TMEFF1: variants seen among roughly 807,000 people sequenced by gnomAD.
TMEFF1 encodes the protein tomoregulin-1.
A neutral mutation model predicts 47.5 loss-of-function variants in TMEFF1; 20 were observed. That is an observed-to-expected ratio of 0.42 (90% CI 0.30 to 0.61). TMEFF1 has a LOEUF of 0.61. Ranked by LOEUF, TMEFF1 falls within the 20% of genes least tolerant of loss-of-function variation. The pLI is 0.19. For synonymous variants in TMEFF1, 162 were observed against 166.3 expected (o/e 0.97, Z 0.20); for missense variants, 411 against 471.1 (o/e 0.87, Z 1.18).
At chr9:100,573,648 A>T in intron 9 of TMEFF1, among the ~76,000 whole-genome samples, 1 of 152,320 alleles carries the variant, frequency 6.6e-6, no homozygotes. Context: ...AAATACAGAT[A>T]TTGGCAGGCC....
At chr9:100,540,444 T>C (rs1004076026) in intron 5 of TMEFF1, among the ~76,000 whole-genome samples, 1 of 152,226 alleles carries the variant, frequency 6.6e-6, no homozygotes, top group African/African-American at 2.4e-5. Context: ...CAGAGGGAGC[T>C]TGTTCCCTGA....
intron 5 of TMEFF1, among the ~76,000 whole-genome samples, chr9:100,521,224 A>G (rs1004868558): frequency 2.0e-5 from 3 of 152,184 alleles, no homozygotes; most frequent in African/African-American, 7.2e-5. Flanking sequence ...ATTGTAATTC[A>G]TTTATAATTT....
At chr9:100,554,205 G>C (rs1206075984) in intron 7 of TMEFF1, among the ~76,000 whole-genome samples, 2 of 152,162 alleles carry the variant, frequency 1.3e-5, no homozygotes, top group African/African-American at 4.8e-5. Flanking sequence ...ACTGGTGACT[G>C]TTTAGATATT....
At chr9:100,538,407 G>A (rs1383119357) in intron 5 of TMEFF1, among the ~76,000 whole-genome samples, 2 of 152,128 alleles carry the variant, frequency 1.3e-5, no homozygotes, top group Non-Finnish European at 2.9e-5. Context: ...GGGGGAATTC[G>A]TTCTGATACT....
chr9:100,570,433 C>T lies in TMEFF1; in HGVS notation c.900-2085C>T, dbSNP rs182485772. Among the ~76,000 whole-genome samples, 71 of 152,018 alleles carry T rather than the reference C, an allele frequency of 4.7e-4. No individual in the cohort carries two copies. In the South Asian group the frequency reaches 9.2e-3, roughly 20 times the overall value. On this transcript the variant is annotated intron_variant, in intron 8 of 9. Transcript: ENST00000374879. ...GTTTTAGCTCTTACGTTTAGATCTG[C>T]GATCCATTTTGAGGCAATTTTTGTG...
intron 5 of TMEFF1, among the ~76,000 whole-genome samples, chr9:100,533,251 A>T (rs981713682): frequency 1.3e-5 from 2 of 152,146 alleles, no homozygotes; most frequent in Non-Finnish European, 2.9e-5. Context: ...TAAAAAAAAA[A>T]TGCCTGGATC....
chr9:100,483,999 G>A (rs959794972), intron 1 of TMEFF1, among the ~76,000 whole-genome samples: 3 of 151,944 alleles, frequency 2.0e-5, no homozygotes, highest in South Asian at 4.2e-4. Context: ...CATATACATT[G>A]AACATTATTT....
chr9:100,547,903 T>G lies in TMEFF1; in HGVS notation c.709+11T>G. On this transcript the variant is annotated intron_variant, in intron 6 of 9. Coordinates refer to ENST00000374879, the MANE Select transcript of TMEFF1 (RefSeq NM_003692.5). ...TTGGTCATTGCACAGGTAAAATCCA[T>G]TTTATTTATTCAGAGACCCATCTTT... The G allele has an allele frequency of 6.4e-7, 1 of 1,566,852 alleles. No individual in the cohort carries two copies. The highest frequency in any genetic ancestry group is 8.6e-7 in the Non-Finnish European group (1 of 1,159,156).
intron 5 of TMEFF1, among the ~76,000 whole-genome samples, chr9:100,521,163 G>C (rs569044992): frequency 6.6e-6 from 1 of 152,302 alleles, no homozygotes; most frequent in African/African-American, 2.4e-5. Flanking sequence ...AGTGAAGTGC[G>C]TGAACTTTAT....
chr9:100,545,955 T>G (rs1466356106), intron 5 of TMEFF1, among the ~76,000 whole-genome samples: 1 of 152,126 alleles, frequency 6.6e-6, no homozygotes, highest in African/African-American at 2.4e-5. Flanking sequence ...AGCCTGGACT[T>G]TATTGTTTGT....
At chr9:100,483,652 C>T (rs961580023) in intron 1 of TMEFF1, among the ~76,000 whole-genome samples, 17 of 152,144 alleles carry the variant, frequency 1.1e-4, no homozygotes, top group African/African-American at 4.1e-4. Flanking sequence ...CTTAAGTTTA[C>T]TTTATTTTCA....
At chr9:100,483,500 AAAACAAAC>A (rs57384867) in intron 1 of TMEFF1, among the ~76,000 whole-genome samples, 2,284 of 150,604 alleles carry the variant, frequency 0.015, 55 homozygotes, top group African/African-American at 0.051. Flanking sequence ...AACATCTCAA[AAAACAAAC>A]AAACAAACAA....
intron 1 of TMEFF1, among the ~76,000 whole-genome samples, chr9:100,492,159 C>T (rs150506639): frequency 5.3e-5 from 8 of 152,304 alleles, no homozygotes; most frequent in Admixed American, 4.6e-4. Flanking sequence ...GCTGGGATTG[C>T]AGGCGTGAGC....
Position 100,473,622 on chromosome 9 carries a change from G to T in TMEFF1, c.78G>T (p.Val26=), listed in dbSNP as rs773714080. 18 of 1,560,144 alleles carry T rather than the reference G, an allele frequency of 1.2e-5. No individual in the cohort carries two copies. The East Asian group carries it at 3.8e-4, about 33-fold the overall frequency. ...TCGCCTTCTGCTGCTACACGTCGGT[G>T]CTTCTGCTCTTCGCCTTCTCTCTGC... The part of the protein sequence containing the change: ...PPLAFCCYTS[V]LLLFAFSLPG... Residue 26 remains valine, a synonymous_variant, in exon 1 of 10, where the codon GTG becomes GTT. Transcript: ENST00000374879. The surrounding 1 kb of genome is among the most constrained non-coding windows in gnomAD (Gnocchi z 5.4).
At chr9:100,552,816 C>G (rs768519453) in intron 7 of TMEFF1, among the ~76,000 whole-genome samples, 5 of 150,462 alleles carry the variant, frequency 3.3e-5, no homozygotes, top group Non-Finnish European at 5.9e-5. Context: ...CAACTGAGAT[C>G]GCACCACTAC....
intron 1 of TMEFF1, among the ~76,000 whole-genome samples, chr9:100,480,468 A>G (rs570681469): frequency 1.3e-5 from 2 of 152,352 alleles, no homozygotes; most frequent in East Asian, 3.8e-4. Context: ...AGACTTGATA[A>G]AGACAAGAAG....
chr9:100,496,708 A>G (rs1837655555), intron 1 of TMEFF1, among the ~76,000 whole-genome samples: 1 of 152,260 alleles, frequency 6.6e-6, no homozygotes, highest in African/African-American at 2.4e-5. Flanking sequence ...TACAACAGGT[A>G]AAACATTACA....
intron 9 of TMEFF1, among the ~76,000 whole-genome samples, 174 bp downstream of exon 9, chr9:100,572,850 G>A (rs1348574981): frequency 6.6e-6 from 1 of 151,970 alleles, no homozygotes; most frequent in Non-Finnish European, 1.5e-5. Context: ...CTAATTCCCA[G>A]TCTTACAGGT....
chr9:100,513,919 GT>G (rs1838015544), intron 4 of TMEFF1, among the ~76,000 whole-genome samples: 1 of 152,046 alleles, frequency 6.6e-6, no homozygotes, highest in Non-Finnish European at 1.5e-5. Context: ...TCCTATCTAT[GT>G]TTTTGATTTT....
Sources: allele counts gnomAD v4.1 joint callset (sites outside exome capture counted in the v4.1 genomes callset), GRCh38; gene constraint gnomAD v4.1.1; non-coding constraint Gnocchi (gnomAD v3.1); transcripts MANE v1.5; gene names NCBI Gene and HGNC (gene_info 2026-07-23, HGNC 2026-07-21).